Variants in LRBA observed in about 807,000 individuals in gnomAD.
LRBA encodes the protein lipopolysaccharide-responsive and beige-like anchor protein.
In LRBA, 176 loss-of-function variants were observed where a neutral mutation model predicts 330.0. The ratio of observed to expected loss-of-function variants is 0.53; its 90% confidence interval spans 0.47 to 0.60. The LOEUF is 0.60. LRBA is among the 20% of genes least tolerant of loss of function. LRBA has a pLI of 0.00. For missense variants in LRBA, 3,259 were observed against 3,444.8 expected, an observed-to-expected ratio of 0.95 and a Z score of 1.35; for synonymous variants, 1,230 against 1,193.0, an observed-to-expected ratio of 1.03 and a Z score of -0.64.
intron 36 of LRBA, among the ~76,000 whole-genome samples, chr4:150,690,927 CTTTTTTTTT>C (rs70941427): frequency 9.4e-6 from 1 of 106,328 alleles, no homozygotes; most frequent in Admixed American, 1.0e-4. Flanking sequence ...AACACCTGGT[CTTTTTTTTT>C]TTTTTTTTTT....
intron 37 of LRBA, among the ~76,000 whole-genome samples, chr4:150,671,467 A>G (rs1490989987): frequency 6.6e-6 from 1 of 152,190 alleles, no homozygotes. Context: ...TTATAGAATT[A>G]GAGAACTAAA....
chr4:150,696,962 C>G (rs994410169), intron 36 of LRBA, among the ~76,000 whole-genome samples: 6 of 149,926 alleles, frequency 4.0e-5, no homozygotes, highest in Non-Finnish European at 8.9e-5. Context: ...TGTACTGAGC[C>G]GAGACTGCAG....
At chr4:150,443,847 T>TAAAAAAAA (rs376721928) in intron 44 of LRBA, among the ~76,000 whole-genome samples, 21 of 53,712 alleles carry the variant, frequency 3.9e-4, no homozygotes, top group African/African-American at 9.7e-4. Flanking sequence ...AAAGTATAAT[T>TAAAAAAAA]AAAAAAATAT....
At chr4:150,411,420 A>T (rs893542821) in intron 47 of LRBA, among the ~76,000 whole-genome samples, 1 of 152,200 alleles carries the variant, frequency 6.6e-6, no homozygotes, top group African/African-American at 2.4e-5. Flanking sequence ...CCAAATACTT[A>T]AAAAAGACAT....
At chr4:150,869,874 G>A (rs1425914764) in intron 20 of LRBA, among the ~76,000 whole-genome samples, 1 of 152,092 alleles carries the variant, frequency 6.6e-6, no homozygotes, top group Admixed American at 6.6e-5. Context: ...GGGCAACATA[G>A]GCAAAATAAT....
Position 150,268,691 on chromosome 4 carries a change from CAT to C in LRBA, c.8469-2881_8469-2880del, listed in dbSNP as rs199898803. On this transcript the variant is annotated intron_variant, in intron 56 of 56. Transcript: ENST00000651943. The stretch of plus-strand genomic sequence containing the variant: ...TCTCAACTGATGCTGGAAAATTTGA[CAT>C]GTGACAAAATTCATCATCCTTTTAT... 4.4e-3 allele frequency among the ~76,000 whole-genome samples: 674 copies of C among 152,296 alleles called. 2 individuals are homozygous for C. The highest frequency in any genetic ancestry group is 0.014 in the African/African-American group (594 of 41,560).
At chr4:150,774,132 G>A (rs1398462669) in intron 34 of LRBA, among the ~76,000 whole-genome samples, 1 of 152,058 alleles carries the variant, frequency 6.6e-6, no homozygotes, top group Non-Finnish European at 1.5e-5. Context: ...TTGCCAACAA[G>A]GATGTTTTGT....
chr4:150,499,874 C>T (rs542867638), intron 40 of LRBA, among the ~76,000 whole-genome samples: 28 of 152,032 alleles, frequency 1.8e-4, no homozygotes, highest in African/African-American at 6.0e-4. Flanking sequence ...AAAGCCCTCC[C>T]TAAAAAAGTG....
intron 16 of LRBA, among the ~76,000 whole-genome samples, chr4:150,894,998 T>G (rs1444568898): frequency 6.6e-6 from 1 of 152,120 alleles, no homozygotes; most frequent in Non-Finnish European, 1.5e-5. Flanking sequence ...ATACCTGAAT[T>G]AACAAAGAGA....
chr4:150,401,996 G>A (rs1218882237), intron 47 of LRBA, among the ~76,000 whole-genome samples: 1 of 151,996 alleles, frequency 6.6e-6, no homozygotes, highest in East Asian at 1.9e-4. Flanking sequence ...CCTGAGAAAA[G>A]TGTATAAGAA....
intron 35 of LRBA, among the ~76,000 whole-genome samples, chr4:150,740,643 T>TTA (rs1560754520): frequency 2.9e-5 from 4 of 136,174 alleles, no homozygotes; most frequent in South Asian, 4.7e-4. Flanking sequence ...GAAAGAATGG[T>TTA]AAAAAAAAAA....
At chr4:150,647,388 C>A (rs1779263405) in intron 37 of LRBA, among the ~76,000 whole-genome samples, 1 of 107,132 alleles carries the variant, frequency 9.3e-6, no homozygotes, top group Non-Finnish European at 1.7e-5. Flanking sequence ...GACAGGGTCT[C>A]ATGCTGTTGC....
At chr4:150,974,090 A>G (rs982016955) in intron 2 of LRBA, among the ~76,000 whole-genome samples, 1 of 152,208 alleles carries the variant, frequency 6.6e-6, no homozygotes, top group Non-Finnish European at 1.5e-5. Context: ...ATCTCTCACC[A>G]TAAAGTGGAA....
intron 53 of LRBA, among the ~76,000 whole-genome samples, chr4:150,299,051 A>G (rs1444264057): frequency 6.6e-6 from 1 of 152,064 alleles, no homozygotes; most frequent in Non-Finnish European, 1.5e-5. Flanking sequence ...TAAAGTATTT[A>G]TTTATCAATG....
chr4:150,720,976 C>T, intron 36 of LRBA: 1 of 494,754 alleles, frequency 2.0e-6, no homozygotes, highest in South Asian at 1.6e-5. Flanking sequence ...TCAAGCAAGG[C>T]AGTCATGGCA....
chr4:150,930,324 A>AC (rs1422782069), intron 2 of LRBA, among the ~76,000 whole-genome samples: 1 of 151,198 alleles, frequency 6.6e-6, no homozygotes, highest in Admixed American at 6.6e-5. Flanking sequence ...CAAAAAAAAA[A>AC]AACAAAAAAA....
intron 44 of LRBA, among the ~76,000 whole-genome samples, chr4:150,458,989 G>A (rs1194669097): frequency 2.0e-5 from 3 of 151,930 alleles, no homozygotes; most frequent in Non-Finnish European, 2.9e-5. Flanking sequence ...AAGTAGTGAT[G>A]TGAACTGGTA....
At position 150,523,106 on chromosome 4, in the gene LRBA, T is replaced by C. The variant is rs78840118; in HGVS notation, c.6331-32071A>G. Among the ~76,000 whole-genome samples the C allele has an allele frequency of 4.2e-3, 641 of 152,360 alleles. 3 individuals carry two copies. The highest frequency in any genetic ancestry group is 0.015 in the African/African-American group (607 of 41,594). Reference sequence around the variant, plus strand: ...TCTGACTTGGATGGCATCTACATGATATTCTGGACGTTAAACTTTTGAGCT... The same window carrying C: ...TCTGACTTGGATGGCATCTACATGACATTCTGGACGTTAAACTTTTGAGCT... On this transcript the variant is annotated intron_variant, in intron 40 of 56. Transcript: ENST00000651943.
chr4:150,490,847 G>A lies in LRBA; in HGVS notation c.6448+71C>T, dbSNP rs1581472792. 6 of 800,606 alleles carry A rather than the reference G, an allele frequency of 7.5e-6. No homozygotes were observed. In the Admixed American group the frequency reaches 8.1e-5, roughly 11 times the overall value. 49.6% of individuals were successfully genotyped at this position (800,606 alleles called of 1,614,324 possible). ...TAACTATCTAAATTGAAGCAATATG[G>A]TATGTTCAAAAATGAAATCTTAAAG... On this transcript the variant is annotated intron_variant, in intron 41 of 56. Transcript: ENST00000651943.
Sources: allele counts gnomAD v4.1 joint callset (sites outside exome capture counted in the v4.1 genomes callset), GRCh38; gene constraint gnomAD v4.1.1; transcripts MANE v1.5; gene names NCBI Gene and HGNC (gene_info 2026-07-23, HGNC 2026-07-21).